EYS: variants seen among roughly 807,000 people sequenced by gnomAD.
EYS encodes protein eyes shut homolog.
Under a neutral mutation model 282.1 loss-of-function variants are expected in EYS, and 250 were observed. The ratio of observed to expected loss-of-function variants is 0.89; its 90% confidence interval spans 0.80 to 0.98. The LOEUF is 0.98. Ranked by LOEUF, EYS falls within the 50% of genes least tolerant of loss-of-function variation. The pLI is 0.00. For missense variants in EYS, 4,016 were observed against 3,709.0 expected, an observed-to-expected ratio of 1.08 and a Z score of -2.15; for synonymous variants, 1,355 against 1,282.9, an observed-to-expected ratio of 1.06 and a Z score of -1.20.
Position 65,494,911 on chromosome 6 carries a change from A to T in EYS, c.500T>A (p.Val167Glu), listed in dbSNP as rs376733496. The T allele has an allele frequency of 2.5e-6, 4 of 1,613,988 alleles. No homozygotes were observed. In the African/African-American group the frequency reaches 4.0e-5, roughly 16 times the overall value. Residue 167 changes from valine to glutamate, a missense_variant, in exon 4 of 43, where the codon GTG (valine) becomes GAG (glutamate). Coordinates refer to ENST00000503581, the MANE Select transcript of EYS (RefSeq NM_001142800.2). ...CTGGCAGAACTGCTGTTTCACTGTC[A>T]CATTTAGTCGAAGTCCCAGTGGACA... ...SPCPLGLRLN[V>E]TVKQQFCQES...
At chr6:64,449,310 A>G (rs1048237310) in intron 26 of EYS, among the ~76,000 whole-genome samples, 1 of 152,184 alleles carries the variant, frequency 6.6e-6, no homozygotes, top group African/African-American at 2.4e-5. Flanking sequence ...TAGAGAAAAA[A>G]AAATACAAAG....
intron 31 of EYS, among the ~76,000 whole-genome samples, chr6:64,107,285 T>TTATATATATATA (rs55756711): frequency 1.0e-3 from 103 of 101,490 alleles, no homozygotes; most frequent in African/African-American, 3.2e-3. Context: ...ATATATATAT[T>TTATATATATATA]TATATATATA....
At chr6:64,471,032 A>G (rs982161266) in intron 26 of EYS, among the ~76,000 whole-genome samples, 3 of 152,164 alleles carry the variant, frequency 2.0e-5, no homozygotes, top group South Asian at 2.1e-4. Context: ...AAGGGACACT[A>G]TTGTCATACT....
chr6:64,385,138 A>G (rs1772867579), intron 29 of EYS, among the ~76,000 whole-genome samples: 1 of 152,194 alleles, frequency 6.6e-6, no homozygotes, highest in Non-Finnish European at 1.5e-5. Context: ...CATGATACTT[A>G]GATATTCAGA....
At chr6:64,037,359 A>T (rs1473849322) in intron 33 of EYS, among the ~76,000 whole-genome samples, 3 of 152,226 alleles carry the variant, frequency 2.0e-5, no homozygotes, top group African/African-American at 7.2e-5. Flanking sequence ...GTGGAAACTA[A>T]ATTAAATACA....
chr6:64,312,188 G>T (rs74955589), intron 29 of EYS, among the ~76,000 whole-genome samples: 1 of 151,908 alleles, frequency 6.6e-6, no homozygotes, highest in African/African-American at 2.4e-5. Flanking sequence ...CTCGAGCTTG[G>T]TGGGGGGAGG....
chr6:65,028,068 C>T (rs1772476481), intron 13 of EYS, among the ~76,000 whole-genome samples: 1 of 152,080 alleles, frequency 6.6e-6, no homozygotes, highest in African/African-American at 2.4e-5. Flanking sequence ...CAAGCATTTA[C>T]TATTGTCATT....
intron 26 of EYS, among the ~76,000 whole-genome samples, chr6:64,587,827 A>G (rs1364127330): frequency 1.3e-5 from 2 of 152,076 alleles, no homozygotes; most frequent in African/African-American, 4.8e-5. Flanking sequence ...TGGGTAAAAG[A>G]AAGACATATG....
intron 36 of EYS, chr6:63,821,413 C>T (rs1771322760): frequency 1.3e-5 from 2 of 152,164 alleles, no homozygotes; most frequent in African/African-American, 4.8e-5. Flanking sequence ...AGCCCTCACC[C>T]TTTCACCTCA....
At chr6:63,866,663 T>C (rs1772678396) in intron 35 of EYS, among the ~76,000 whole-genome samples, 2 of 152,194 alleles carry the variant, frequency 1.3e-5, no homozygotes, top group South Asian at 2.1e-4. Context: ...GACGACTAAC[T>C]GTGTGCATCT....
chr6:64,572,289 G>A (rs1765751494), intron 26 of EYS, among the ~76,000 whole-genome samples: 1 of 152,116 alleles, frequency 6.6e-6, no homozygotes, highest in African/African-American at 2.4e-5. Flanking sequence ...AATAATAAGA[G>A]CTATTTATGA....
At chr6:64,004,417 C>A (rs957988411) in intron 33 of EYS, among the ~76,000 whole-genome samples, 27 of 151,522 alleles carry the variant, frequency 1.8e-4, no homozygotes, top group Non-Finnish European at 3.2e-4. Context: ...AGTTTCCACT[C>A]TTTAAATAAG....
At chr6:65,107,108 A>G (rs539493227) in intron 12 of EYS, among the ~76,000 whole-genome samples, 1 of 150,980 alleles carries the variant, frequency 6.6e-6, no homozygotes, top group African/African-American at 2.4e-5. Flanking sequence ...GATACAGGAG[A>G]AAAAAAAATG....
At position 64,387,423 on chromosome 6, in the gene EYS, CAATT is replaced by C. The variant is rs941792476; in HGVS notation, c.6078+1263_6078+1266del. Among the ~76,000 whole-genome samples, 64 of 152,034 alleles carry C rather than the reference CAATT, an allele frequency of 4.2e-4. 1 individual carries two copies. Among genetic ancestry groups the C allele is most frequent in the African/African-American group, 1.5e-3 (61 of 41,498 alleles). On this transcript the variant is annotated intron_variant, in intron 29 of 42. Coordinates refer to ENST00000503581, the MANE Select transcript of EYS (RefSeq NM_001142800.2). Reference sequence around the variant, plus strand: ...ATATTACACTCAATTAATGTATACTCAATTAAATTTAGTTTTATATTAAAATTTA... The same window carrying C: ...ATATTACACTCAATTAATGTATACTCAAATTTAGTTTTATATTAAAATTTA...
intron 22 of EYS, among the ~76,000 whole-genome samples, chr6:64,660,219 T>G (rs1456968293): frequency 1.3e-5 from 2 of 152,146 alleles, no homozygotes; most frequent in South Asian, 2.1e-4. Context: ...ATAAATTAGG[T>G]ATTGATGGGA....
chr6:64,402,042 G>A (rs77892471), intron 28 of EYS, among the ~76,000 whole-genome samples: 1,547 of 152,084 alleles, frequency 0.01, 24 homozygotes, highest in African/African-American at 0.035. Flanking sequence ...ATGTCCACTC[G>A]TCTATGAATT....
At chr6:64,030,842 G>T (rs187910018) in intron 33 of EYS, among the ~76,000 whole-genome samples, 1 of 152,308 alleles carries the variant, frequency 6.6e-6, no homozygotes, top group South Asian at 2.1e-4. Context: ...GGACCAACGC[G>T]CTGGCACTTT....
At chr6:65,380,148 G>A (rs1263141844) in intron 8 of EYS, among the ~76,000 whole-genome samples, 1 of 151,802 alleles carries the variant, frequency 6.6e-6, no homozygotes, top group Non-Finnish European at 1.5e-5. Context: ...CAAAAAAAAG[G>A]CCATATTTCC....
Position 64,859,182 on chromosome 6 carries a change from A to T in EYS, c.2992+27515T>A, listed in dbSNP as rs534989295. Among the ~76,000 whole-genome samples, 3 of 149,828 alleles carry T rather than the reference A, an allele frequency of 2.0e-5. No individual in the cohort carries two copies. The East Asian group carries it at 5.8e-4, about 29-fold the overall frequency. Reference sequence around the variant, plus strand: ...AAAATCAATAACATTTCTATATGCTAATAACTACCCAAAATAATATTTAAA... The same window carrying T: ...AAAATCAATAACATTTCTATATGCTTATAACTACCCAAAATAATATTTAAA... On this transcript the variant is annotated intron_variant, in intron 19 of 42. Transcript: ENST00000503581.
Sources: allele counts gnomAD v4.1 joint callset (sites outside exome capture counted in the v4.1 genomes callset), GRCh38; gene constraint gnomAD v4.1.1; transcripts MANE v1.5; gene names NCBI Gene and HGNC (gene_info 2026-07-23, HGNC 2026-07-21).